The following MMP2 variants were observed in gnomAD, a reference collection of about 807,000 sequenced individuals.
MMP2 encodes the protein matrix metallopeptidase 2, also known as 72 kDa type IV collagenase.
A neutral mutation model predicts 74.8 loss-of-function variants in MMP2; 39 were observed. That is an observed-to-expected ratio of 0.52 (90% CI 0.40 to 0.68). MMP2 has a LOEUF of 0.68. MMP2 is among the 30% of genes least tolerant of loss of function. The probability of loss-of-function intolerance (pLI) is 0.00; values close to 1 mark genes in which losing one functional copy is unlikely to be tolerated. For missense variants in MMP2, 803 were observed against 878.3 expected, an observed-to-expected ratio of 0.91 and a Z score of 1.08; for synonymous variants, 367 against 339.8, an observed-to-expected ratio of 1.08 and a Z score of -0.88.
chr16:55,489,948 AC>A, intron 7 of MMP2, 124 bp downstream of exon 7: 1 of 1,113,592 alleles, frequency 9.0e-7, no homozygotes, highest in South Asian at 1.4e-5. Context: ...ACACCCACCT[AC>A]CCAGACCCGC....
chr16:55,488,567 C>G lies in MMP2; in HGVS notation c.857C>G (p.Ala286Gly). 1 of 1,614,044 alleles carries G rather than the reference C, an allele frequency of 6.2e-7. No individual in the cohort carries two copies. Among genetic ancestry groups the G allele is most frequent in the Non-Finnish European group, 8.5e-7 (1 of 1,179,992 alleles). The part of the protein sequence containing the change: ...HEALFTMGGN[A>G]EGQPCKFPFR... ...GCCCTGTTCACCATGGGCGGCAACG[C>G]TGAAGGACAGCCCTGCAAGTTTCCA... The change falls in exon 6 of 13, where the codon GCT becomes GGT. Residue 286 changes from alanine to glycine, a missense_variant. By Grantham distance (60) the Ala-to-Gly change is moderately conservative. Coordinates refer to ENST00000219070, the MANE Select transcript of MMP2 (RefSeq NM_004530.6).
At chr16:55,499,281 T>A (rs1208940295) in intron 11 of MMP2, among the ~76,000 whole-genome samples, 1 of 152,140 alleles carries the variant, frequency 6.6e-6, no homozygotes, top group Non-Finnish European at 1.5e-5. Flanking sequence ...GAAAACATGT[T>A]AGTCTTCACT....
At position 55,493,202 on chromosome 16, in the gene MMP2, C is replaced by T. The variant is rs1962456603; in HGVS notation, c.1381C>T (p.Leu461=). 1.2e-6 allele frequency: 2 copies of T among 1,614,132 alleles called. No homozygotes were observed. Among genetic ancestry groups the T allele is most frequent in the Non-Finnish European group, 1.7e-6 (2 of 1,180,020 alleles). ...IDLGTGPTPT[L]GPVTPEICKQ... is the part of the protein sequence containing the mutation. Reference sequence around the variant, plus strand: ...CCTTGGCACCGGCCCCACCCCCACGCTGGGCCCTGTCACTCCTGAGATCTG... The same window carrying T: ...CCTTGGCACCGGCCCCACCCCCACGTTGGGCCCTGTCACTCCTGAGATCTG... The change falls in exon 9 of 13, where the codon CTG becomes TTG. Residue 461 remains leucine (L), a synonymous_variant. Coordinates refer to ENST00000219070, the MANE Select transcript of MMP2 (RefSeq NM_004530.6).
chr16:55,498,469 G>C, intron 11 of MMP2, 21 bp downstream of exon 11: 1 of 1,614,032 alleles, frequency 6.2e-7, no homozygotes, highest in Non-Finnish European at 8.5e-7. Flanking sequence ...GCGGTGGGTA[G>C]GACAGCAGCA....
chr16:55,482,838 A>T (rs1404781134), intron 1 of MMP2, 71 bp from the exon 2 acceptor site: 1 of 1,334,420 alleles, frequency 7.5e-7, no homozygotes, highest in Non-Finnish European at 1.1e-6. Flanking sequence ...GCTGATTGCT[A>T]CAGCCTGCTT....
chr16:55,483,061 C>T lies in MMP2; in HGVS notation c.306C>T (p.Cys102=), dbSNP rs201679510. 4.2e-5 allele frequency: 68 copies of T among 1,614,004 alleles called. No individual in the cohort carries two copies. Among genetic ancestry groups the T allele is most frequent in the Non-Finnish European group, 3.3e-5 (39 of 1,180,016 alleles). Residue 102 remains cysteine, a synonymous_variant, in exon 2 of 13, where the codon TGC becomes TGT. Transcript: ENST00000219070. ...NTIETMRKPR[C]GNPDVANYNF... is the part of the protein sequence containing the mutation. ...TCGAGACCATGCGGAAGCCACGCTG[C>T]GGCAACCCAGATGTGGCCAACTACA...
intron 8 of MMP2, among the ~76,000 whole-genome samples, chr16:55,492,174 A>G (rs1287030409): frequency 6.6e-6 from 1 of 152,150 alleles, no homozygotes; most frequent in Non-Finnish European, 1.5e-5. Flanking sequence ...CAATGCTAAT[A>G]TCCATGTCAC....
chr16:55,480,484 G>C (rs955018039), intron 1 of MMP2: 1 of 152,358 alleles, frequency 6.6e-6, no homozygotes, highest in Admixed American at 6.5e-5. Flanking sequence ...TCGGGTCGGA[G>C]AGCGGCCAGA....
chr16:55,484,181 G>C lies in MMP2; in HGVS notation c.529+17G>C, dbSNP rs374852056. 942 of 1,613,024 alleles carry C rather than the reference G, an allele frequency of 5.8e-4. No individual in the cohort carries two copies. Among genetic ancestry groups the C allele is most frequent in the Non-Finnish European group, 7.6e-4 (896 of 1,179,644 alleles). ...GCCGCTGGGGTAGGCAGAAGATGGGGCAGAAGAGGGGCCAGCAGGGATCAG... is the reference window on the plus strand; with the variant it reads ...GCCGCTGGGGTAGGCAGAAGATGGGCCAGAAGAGGGGCCAGCAGGGATCAG... On this transcript the variant is annotated intron_variant, in intron 3 of 12. Transcript: ENST00000219070.
At position 55,491,776 on chromosome 16, in the gene MMP2, C is replaced by A. The variant is rs765361763; in HGVS notation, c.1181-25C>A. 2.5e-6 allele frequency: 4 copies of A among 1,613,940 alleles called. No individual in the cohort carries two copies. In the South Asian group the frequency reaches 3.3e-5, roughly 13 times the overall value. On this transcript the variant is annotated intron_variant, in intron 7 of 12. Transcript: ENST00000219070. ...CTCATCTCTCTTCCTGTCTTTCAACCCTCTCTCCTCCCTGCAACCCTCAGG... is the reference window on the plus strand; with the variant it reads ...CTCATCTCTCTTCCTGTCTTTCAACACTCTCTCCTCCCTGCAACCCTCAGG...
chr16:55,489,185 T>C (rs1426458846), intron 6 of MMP2, among the ~76,000 whole-genome samples: 1 of 152,170 alleles, frequency 6.6e-6, no homozygotes, highest in Non-Finnish European at 1.5e-5. Context: ...CTTCCCTTCC[T>C]CCAACAGGAA....
intron 3 of MMP2, 93 bp from the exon 4 acceptor site, chr16:55,485,206 G>A (rs769286542): frequency 2.7e-5 from 43 of 1,575,864 alleles, no homozygotes; most frequent in South Asian, 4.4e-5. Context: ...CAGATGCTGG[G>A]TGGGCTGACA....
At position 55,502,869 on chromosome 16, in the gene MMP2, C is replaced by T. The variant is rs139606653; in HGVS notation, c.1860C>T (p.Val620=). The T allele has an allele frequency of 3.2e-4, 522 of 1,613,836 alleles. 1 individual carries two copies. Among genetic ancestry groups the T allele is most frequent in the Admixed American group, 6.8e-4 (41 of 60,032 alleles). Residue 620 remains valine (V), a synonymous_variant, in exon 12 of 13, where the codon GTC becomes GTT. Coordinates refer to ENST00000219070, the MANE Select transcript of MMP2 (RefSeq NM_004530.6). ...CCATCCCCGATAACCTGGATGCCGT[C>T]GTGGACCTGCAGGGCGGCGGTGAGC... The part of the protein sequence containing the change: ...WNAIPDNLDA[V]VDLQGGGHSY...
chr16:55,495,756 G>C (rs1962515586), intron 9 of MMP2, among the ~76,000 whole-genome samples: 2 of 152,156 alleles, frequency 1.3e-5, no homozygotes, highest in African/African-American at 4.8e-5. Flanking sequence ...CAGGGGTAGA[G>C]CTGCCTGCAG....
chr16:55,502,715 C>G, intron 11 of MMP2, 64 bp from the exon 12 acceptor site: 1 of 1,467,100 alleles, frequency 6.8e-7, no homozygotes, highest in Non-Finnish European at 9.5e-7. Flanking sequence ...TGCTCCCATC[C>G]AGGCCAGGGG....
At chr16:55,487,403 A>C (rs1306176514) in intron 5 of MMP2, 1 of 152,272 alleles carries the variant, frequency 6.6e-6, no homozygotes, top group South Asian at 2.1e-4. Context: ...GTCGAAGTTA[A>C]CGCTTTGCCT....
intron 5 of MMP2, chr16:55,487,686 C>A (rs755800950): frequency 1.3e-5 from 2 of 152,354 alleles, no homozygotes; most frequent in African/African-American, 4.8e-5. Flanking sequence ...TCCAGAGACA[C>A]CATTTTTTAG....
chr16:55,497,242 A>C (rs1392780249), intron 10 of MMP2, among the ~76,000 whole-genome samples, 180 bp downstream of exon 10: 2 of 152,148 alleles, frequency 1.3e-5, no homozygotes, highest in Non-Finnish European at 1.5e-5. Flanking sequence ...CTCCTCTGGG[A>C]GATTGGTTCC....
chr16:55,482,876 G>A (rs2142344193), intron 1 of MMP2, 33 bp from the exon 2 acceptor site: 1 of 1,583,674 alleles, frequency 6.3e-7, no homozygotes, highest in South Asian at 1.1e-5. Context: ...TCCTAATGTG[G>A]CTAATTGCCT....
Sources: allele counts gnomAD v4.1 joint callset (sites outside exome capture counted in the v4.1 genomes callset), GRCh38; gene constraint gnomAD v4.1.1; transcripts MANE v1.5; gene names NCBI Gene and HGNC (gene_info 2026-07-23, HGNC 2026-07-21).